The following EFCAB8 variants were observed in gnomAD, a reference collection of about 807,000 sequenced individuals.
The protein encoded by EFCAB8 is EF-hand calcium-binding domain-containing protein 8.
A neutral mutation model predicts 116.3 loss-of-function variants in EFCAB8; 100 were observed. That is an observed-to-expected ratio of 0.86 (90% confidence interval 0.73 to 1.02). The LOEUF (loss-of-function observed/expected upper bound fraction) is 1.02. EFCAB8 is among the 50% of genes least tolerant of loss of function. The pLI, the probability that EFCAB8 is intolerant of heterozygous loss-of-function variation, is 0.00. For synonymous variants in EFCAB8, 558 were observed against 567.9 expected (o/e 0.98, Z 0.25); for missense variants, 1,320 against 1,416.9 (o/e 0.93, Z 1.10).
intron 2 of EFCAB8, among the ~76,000 whole-genome samples, chr20:32,866,390 C>A (rs539463322): frequency 4.7e-4 from 72 of 152,074 alleles, no homozygotes; most frequent in Non-Finnish European, 8.5e-4. Flanking sequence ...TAATTATCCA[C>A]GTTAGAGTCT....
In EFCAB8 at chr20:32,865,360, G is replaced by T. The variant is rs1004937244; in HGVS notation, c.42+1526G>T. ...CGAATGCTTGCTGGGCTTGGGGATG[G>T]TGGGGAGCAGGTGGTGTGCCTGGAA... On this transcript the variant is annotated intron_variant, in intron 2 of 26. Coordinates refer to ENST00000400522, the MANE Select transcript of EFCAB8 (RefSeq NM_001143967.2). 3.9e-5 allele frequency among the ~76,000 whole-genome samples: 6 copies of T among 152,148 alleles called. No homozygotes were observed. The South Asian group carries it at 1.2e-3, about 32-fold the overall frequency.
In EFCAB8 at chr20:32,961,492, C is replaced by T. The variant is rs1744501572; in HGVS notation, c.3750C>T (p.Ser1250=). 6.9e-7 allele frequency: 1 copy of T among 1,448,124 alleles called. No individual in the cohort carries two copies. The highest frequency in any genetic ancestry group is 1.5e-5 in the South Asian group (1 of 66,884). 89.7% of individuals were successfully genotyped at this position (1,448,124 alleles called of 1,614,324 possible). A position where few individuals can be genotyped will look rare whatever the true frequency, so the allele number is the denominator to read the frequency against. Residue 1250 remains serine, a synonymous_variant, in exon 27 of 27, where the codon TCC becomes TCT. Transcript: ENST00000400522. ...TPSVPSPVSK[S]TLQGSVTPKH... is the part of the protein sequence containing the mutation. ...CGGTCCCATCCCCGGTGTCCAAGTC[C>T]ACCCTGCAGGGGTCAGTGACCCCCA...
chr20:32,878,905 G>C, intron 5 of EFCAB8, 98 bp downstream of exon 5: 2 of 1,038,934 alleles, frequency 1.9e-6, no homozygotes, highest in Admixed American at 2.1e-5. Context: ...GACCTTGCTG[G>C]TGCTGACCAG....
intron 23 of EFCAB8, among the ~76,000 whole-genome samples, chr20:32,954,655 A>C (rs1346315585): frequency 9.9e-5 from 15 of 152,144 alleles, no homozygotes; most frequent in Admixed American, 9.2e-4. Flanking sequence ...TTGGCTTTTA[A>C]TTTAGCTCTA....
Position 32,932,665 on chromosome 20 carries a change from A to G in EFCAB8, c.2790+1329A>G, listed in dbSNP as rs143727998. Among the ~76,000 whole-genome samples the G allele has an allele frequency of 8.7e-4, 133 of 152,342 alleles. 1 individual carries two copies. In the East Asian group the frequency reaches 0.024, roughly 27 times the overall value. On this transcript the variant is annotated intron_variant, in intron 22 of 26. Coordinates refer to ENST00000400522, the MANE Select transcript of EFCAB8 (RefSeq NM_001143967.2). ...CATCTTGCTTTTCTTGCTGTATGAT[A>G]TATCTTGGAGACCTTTGCATAGCAG...
Position 32,867,693 on chromosome 20 carries a change from A to T in EFCAB8, c.154A>T (p.Ile52Leu), listed in dbSNP as rs775105217. 6 of 1,551,678 alleles carry T rather than the reference A, an allele frequency of 3.9e-6. No homozygotes were observed. Among genetic ancestry groups the T allele is most frequent in the South Asian group, 2.4e-5 (2 of 84,062 alleles). ...GCCTGGGTCCCAGCTGTTTACTGAGATACACCTGGCCAAGATAGAGAAAAT... is the reference window on the plus strand; with the variant it reads ...GCCTGGGTCCCAGCTGTTTACTGAGTTACACCTGGCCAAGATAGAGAAAAT... ...LQPGSQLFTEIHLAKIEKMFE... is the reference protein window; with the variant it reads ...LQPGSQLFTELHLAKIEKMFE... Residue 52 changes from isoleucine to leucine, a missense_variant, in exon 3 of 27, where the codon ATA (isoleucine) becomes TTA (leucine). Ile to Leu is a conservative substitution (Grantham distance 5). Coordinates refer to ENST00000400522, the MANE Select transcript of EFCAB8 (RefSeq NM_001143967.2).
intron 5 of EFCAB8, among the ~76,000 whole-genome samples, chr20:32,884,810 A>G (rs1985525952): frequency 6.6e-6 from 1 of 152,170 alleles, no homozygotes; most frequent in African/African-American, 2.4e-5. Context: ...AGTGTGTGCC[A>G]TGCCATGCCA....
intron 13 of EFCAB8, 153 bp downstream of exon 13, chr20:32,907,147 C>A (rs1274716528): frequency 1.0e-6 from 1 of 984,290 alleles, no homozygotes; most frequent in Non-Finnish European, 1.2e-6. Flanking sequence ...TGGCCATGGA[C>A]CTCTGAGCAT....
At chr20:32,943,585 GC>G (rs1207926195) in intron 22 of EFCAB8, 50 bp from the exon 23 acceptor site, 2 of 416,548 alleles carry the variant, frequency 4.8e-6, no homozygotes, top group African/African-American at 4.1e-5. Context: ...CTTCTAATTA[GC>G]CTGTGTAGTG....
At chr20:32,883,893 G>A (rs1176914371) in intron 5 of EFCAB8, among the ~76,000 whole-genome samples, 3 of 152,084 alleles carry the variant, frequency 2.0e-5, no homozygotes, top group Admixed American at 6.5e-5. Context: ...GTTTCACCAC[G>A]TTGGCCGGGC....
chr20:32,906,685 G>A (rs1986689598), intron 12 of EFCAB8, 56 bp downstream of exon 12: 2 of 717,750 alleles, frequency 2.8e-6, no homozygotes, highest in Admixed American at 2.0e-5. Context: ...CTGGGGATGG[G>A]GGGACCACCA....
chr20:32,954,120 G>C (rs1343255373), intron 23 of EFCAB8, among the ~76,000 whole-genome samples: 1 of 152,032 alleles, frequency 6.6e-6, no homozygotes, highest in South Asian at 2.1e-4. Flanking sequence ...TACGTTTTTT[G>C]ATACACAGAG....
chr20:32,905,195 C>G (rs564041875), intron 11 of EFCAB8, among the ~76,000 whole-genome samples: 1 of 152,156 alleles, frequency 6.6e-6, no homozygotes, highest in Non-Finnish European at 1.5e-5. Context: ...GACCCCTGTG[C>G]GGGAGGAGTA....
intron 7 of EFCAB8, 109 bp from the exon 8 acceptor site, chr20:32,892,104 G>T: frequency 1.0e-6 from 1 of 976,702 alleles, no homozygotes; most frequent in Non-Finnish European, 1.6e-6. Flanking sequence ...GGGGAAAAAG[G>T]GCTGAAGGGG....
chr20:32,867,796 C>G, intron 3 of EFCAB8, 49 bp downstream of exon 3: 6 of 1,532,244 alleles, frequency 3.9e-6, no homozygotes, highest in Non-Finnish European at 5.3e-6. Flanking sequence ...TGCAACAGGG[C>G]AGGACCGAGT....
At chr20:32,943,190 C>A (rs961934120) in intron 22 of EFCAB8, among the ~76,000 whole-genome samples, 1 of 152,192 alleles carries the variant, frequency 6.6e-6, no homozygotes, top group Non-Finnish European at 1.5e-5. Flanking sequence ...CTTGCCCTGG[C>A]CCCATCACTT....
chr20:32,867,785 C>A, intron 3 of EFCAB8, 38 bp downstream of exon 3: 1 of 1,544,066 alleles, frequency 6.5e-7, no homozygotes, highest in South Asian at 1.2e-5. Flanking sequence ...TGTGTGAGTT[C>A]TGCAACAGGG....
At chr20:32,863,667 C>A in intron 1 of EFCAB8, 116 bp from the exon 2 acceptor site, 3 of 941,204 alleles carry the variant, frequency 3.2e-6, no homozygotes, top group South Asian at 1.8e-5. Context: ...CAAGGGGAAG[C>A]CACCCTCTCC....
intron 17 of EFCAB8, among the ~76,000 whole-genome samples, chr20:32,913,438 C>T (rs768287833): frequency 3.3e-5 from 5 of 152,236 alleles, no homozygotes; most frequent in East Asian, 1.9e-4. Context: ...CAAATTTCCT[C>T]GCCTTAGGGA....
Sources: gnomAD v4.1 joint callset for allele counts (sites outside exome capture counted in the v4.1 genomes callset) on GRCh38, gnomAD v4.1.1 for gene constraint, MANE v1.5 for transcripts, NCBI Gene and HGNC (gene_info 2026-07-23, HGNC 2026-07-21) for gene names.